Variants in TTN observed in about 807,000 individuals in gnomAD.
TTN encodes the protein connectin.
In TTN, 1,525 loss-of-function variants were observed where a neutral mutation model predicts 3,223.0. The observed-to-expected ratio is 0.47, with a 90% CI of 0.45 to 0.49. The LOEUF (loss-of-function observed/expected upper bound fraction) is 0.49, where lower values mean the gene tolerates loss of function less well. Among genes scored for constraint, TTN ranks in the 20% least tolerant of loss-of-function variants. TTN has a pLI of 0.00. For missense variants in TTN, 40,786 were observed against 43,424.0 expected, an observed-to-expected ratio of 0.94 and a Z score of 5.40; for synonymous variants, 14,094 against 15,161.0, an observed-to-expected ratio of 0.93 and a Z score of 5.17.
At chr2:178,638,132 A>G (rs920886140) in intron 223 of TTN, among the ~76,000 whole-genome samples, 3 of 152,020 alleles carry the variant, frequency 2.0e-5, no homozygotes, top group Non-Finnish European at 4.4e-5. Context: ...GAATAATAAA[A>G]GTACTACGTT....
Position 178,775,658 on chromosome 2 carries a change from A to G in TTN, c.6206T>C (p.Ile2069Thr), listed in dbSNP as rs1319012428. 6.2e-7 allele frequency: 1 copy of G among 1,614,120 alleles called. No homozygotes were observed. Among genetic ancestry groups the G allele is most frequent in the Non-Finnish European group, 8.5e-7 (1 of 1,180,006 alleles). Residue 2069 changes from isoleucine (I) to threonine (T), a missense_variant, in exon 28 of 363, where the codon ATT becomes ACT. Ile to Thr is a moderately conservative substitution (Grantham distance 89). Transcript: ENST00000589042. Reference protein sequence around the residue: ...ITIPTFKPDKIELSPSMEAPK... With the variant: ...ITIPTFKPDKTELSPSMEAPK... ...AGCCTCCATACTAGGACTTAGTTCA[A>G]TCTTGTCAGGTTTAAAAGTTGGAAT... is the stretch of plus-strand genomic sequence containing the variant.
Position 178,667,709 on chromosome 2 carries a change from G to A in TTN, c.35558C>T (p.Ser11853Phe), listed in dbSNP as rs753499009. The change falls in exon 160 of 363, where the codon TCT (serine) becomes TTT (phenylalanine). Residue 11853 changes from serine (S) to phenylalanine (F), a missense_variant. Coordinates refer to ENST00000589042, the MANE Select transcript of TTN (RefSeq NM_001267550.2). Reference sequence around the variant, plus strand: ...TTTTTCTTCTAGGACTGCTTCTTCAGATGCTTCATAAACTTTAAAGATATT... The same window carrying A: ...TTTTTCTTCTAGGACTGCTTCTTCAAATGCTTCATAAACTTTAAAGATATT... ...EDTEMYIYEASEEAVLEEKVL... is the reference protein window; with the variant it reads ...EDTEMYIYEAFEEAVLEEKVL... The A allele has an allele frequency of 1.3e-6, 2 of 1,592,082 alleles. No individual in the cohort carries two copies. Among genetic ancestry groups the A allele is most frequent in the Non-Finnish European group, 1.7e-6 (2 of 1,175,802 alleles).
At chr2:178,778,605 T>C (rs2092470450) in intron 24 of TTN, 1 of 466,788 alleles carries the variant, frequency 2.1e-6, no homozygotes, top group Non-Finnish European at 3.9e-6. Context: ...TAAATTTACA[T>C]ATGTAAAAAT....
At position 178,713,213 on chromosome 2, in the gene TTN, G is replaced by A. The variant is rs1176692583; in HGVS notation, c.26921C>T (p.Thr8974Ile). 1.2e-6 allele frequency: 2 copies of A among 1,613,464 alleles called. No individual in the cohort carries two copies. The highest frequency in any genetic ancestry group is 2.7e-5 in the African/African-American group (2 of 74,890). ...AGCACAAGTATTATCTGTCAGGGTGGTCTGGTATTTCCTTCCACTACTGAT... is the reference window on the plus strand; with the variant it reads ...AGCACAAGTATTATCTGTCAGGGTGATCTGGTATTTCCTTCCACTACTGAT... The part of the protein sequence containing the change: ...NEISSGRKYQ[T>I]TLTDNTCALT... The change falls in exon 93 of 363, where the codon ACC becomes ATC. Residue 8974 changes from threonine to isoleucine, a missense_variant. Physicochemically the swap from Thr to Ile is moderately conservative, Grantham distance 89. Transcript: ENST00000589042.
In TTN at chr2:178,595,773, T is replaced by C; in HGVS notation, c.57581A>G (p.His19194Arg). Residue 19194 changes from histidine (H) to arginine (R), a missense_variant, in exon 295 of 363, where the codon CAC becomes CGC. Coordinates refer to ENST00000589042, the MANE Select transcript of TTN (RefSeq NM_001267550.2). ...TTTGCAGGACTCATTGGTTAGGTTG[T>C]GAGCTAGGAATGGTGTTCCAACGGG... ...PGPVGTPFLA[H>R]NLTNESCKLT... 6.2e-7 allele frequency: 1 copy of C among 1,607,948 alleles called. No homozygotes were observed. Among genetic ancestry groups the C allele is most frequent in the Non-Finnish European group, 8.5e-7 (1 of 1,177,236 alleles).
chr2:178,714,503 A>C lies in TTN; in HGVS notation c.26271T>G (p.Thr8757=), dbSNP rs1241070560. 1.9e-6 allele frequency: 3 copies of C among 1,613,438 alleles called. No individual in the cohort carries two copies. In the South Asian group the frequency reaches 3.3e-5, roughly 18 times the overall value. ...AAATGGGTTCAGCGCCTTCAATGGT[A>C]GTCTGCAGCTGAACTTCTTTACCAA... The part of the protein sequence containing the change: ...TVVGKEVQLQ[T]TIEGAEPISV... The change falls in exon 91 of 363, where the codon ACT becomes ACG. Residue 8757 remains threonine (T), a synonymous_variant. Coordinates refer to ENST00000589042, the MANE Select transcript of TTN (RefSeq NM_001267550.2).
chr2:178,552,685 T>C lies in TTN; in HGVS notation c.90215A>G (p.Lys30072Arg). The C allele has an allele frequency of 6.2e-7, 1 of 1,613,954 alleles. No homozygotes were observed. The highest frequency in any genetic ancestry group is 8.5e-7 in the Non-Finnish European group (1 of 1,179,848). The part of the protein sequence containing the change: ...ITEYVVERKG[K>R]GEQTWSHAGI... ...AGCGTGGGACCACGTCTGTTCACCT[T>C]TACCTTTCCTTTCTACAACATATTC... The change falls in exon 335 of 363, where the codon AAA becomes AGA. Residue 30072 changes from lysine to arginine, a missense_variant. By Grantham distance (26) the Lys-to-Arg change is conservative (BLOSUM62 2). Transcript: ENST00000589042.
chr2:178,747,903 G>T, intron 47 of TTN: 1 of 1,613,090 alleles, frequency 6.2e-7, no homozygotes, highest in East Asian at 2.2e-5. Context: ...ATCAAGAGTG[G>T]GAAGCACTGA....
chr2:178,774,587 T>A, intron 29 of TTN, 114 bp from the exon 30 acceptor site: 3 of 959,790 alleles, frequency 3.1e-6, no homozygotes, highest in South Asian at 1.6e-5. Flanking sequence ...TCAGGTGTAT[T>A]CTTAATATCT....
In TTN at chr2:178,647,478, A is replaced by G. The variant is rs2062203415; in HGVS notation, c.40058-14T>C. On this transcript the variant is annotated splice_polypyrimidine_tract_variant and intron_variant, in intron 213 of 362. Transcript: ENST00000589042. ...GCACTTTGGGCACTTTAAAGATATG[A>G]TTTTGTTTACTATTAAGAATTTAGA... The G allele has an allele frequency of 6.5e-7, 1 of 1,548,908 alleles. No homozygotes were observed. The highest frequency in any genetic ancestry group is 1.2e-5 in the South Asian group (1 of 83,956).
Position 178,759,135 on chromosome 2 carries a change from G to C in TTN, c.10152C>G (p.Ile3384Met). Residue 3384 changes from isoleucine to methionine, a missense_variant, in exon 44 of 363, where the codon ATC becomes ATG. By Grantham distance (10) the Ile-to-Met change is conservative. Coordinates refer to ENST00000589042, the MANE Select transcript of TTN (RefSeq NM_001267550.2). ...KVSWYSKDKK[I>M]KPSRFFRMTQ... is the part of the protein sequence containing the mutation. ...TCATTCTAAAGAACCGAGATGGCTT[G>C]ATTTTCTTGTCTTTGCTGTACCACG... 6.2e-7 allele frequency: 1 copy of C among 1,613,942 alleles called. No homozygotes were observed. The highest frequency in any genetic ancestry group is 8.5e-7 in the Non-Finnish European group (1 of 1,179,950).
rs878961342 is a variant in TTN at position 178,545,401 on chromosome 2, G to A, written c.95709C>T (p.Cys31903=). 16 of 1,577,662 alleles carry A rather than the reference G, an allele frequency of 1.0e-5. No individual in the cohort carries two copies. The highest frequency in any genetic ancestry group is 2.7e-5 in the African/African-American group (2 of 73,952). Residue 31903 remains cysteine (C), a synonymous_variant, in exon 344 of 363, where the codon TGC becomes TGT. Transcript: ENST00000589042. ...EPSEASNFIS[C]REPSYTPGPP... is the part of the protein sequence containing the mutation. ...CTTGGAGCTCACATGATGGTTCTCTGCATGAGATGAAGTTGGAAGCTTCGC... is the reference window on the plus strand; with the variant it reads ...CTTGGAGCTCACATGATGGTTCTCTACATGAGATGAAGTTGGAAGCTTCGC...
In TTN at chr2:178,533,508, C is replaced by T; in HGVS notation, c.103107G>A (p.Leu34369=). Residue 34369 remains leucine, a synonymous_variant, in exon 358 of 363, where the codon CTG becomes CTA. Transcript: ENST00000589042. ...STLRPMFKRL[L]ANAECQEGQS... Reference sequence around the variant, plus strand: ...GGCCTTCTTGGCATTCTGCATTTGCCAGTAACCTTTTGAACATGGGTCTTA... The same window carrying T: ...GGCCTTCTTGGCATTCTGCATTTGCTAGTAACCTTTTGAACATGGGTCTTA... 4 of 1,613,562 alleles carry T rather than the reference C, an allele frequency of 2.5e-6. No homozygotes were observed. Among genetic ancestry groups the T allele is most frequent in the Non-Finnish European group, 3.4e-6 (4 of 1,179,558 alleles).
At chr2:178,627,383 C>T (rs184996052) in intron 240 of TTN, among the ~76,000 whole-genome samples, 14 of 151,970 alleles carry the variant, frequency 9.2e-5, no homozygotes, top group South Asian at 2.1e-4. Flanking sequence ...TATTAAAGTT[C>T]GGAATTACAT....
Position 178,547,998 on chromosome 2 carries a change from G to T in TTN, c.93628C>A (p.Gln31210Lys), listed in dbSNP as rs1697906163. Reference protein sequence around the residue: ...AFSSVIIKEPQIEPTADLTGI... With the variant: ...AFSSVIIKEPKIEPTADLTGI... Reference sequence around the variant, plus strand: ...GTGAGGTCAGCAGTGGGCTCGATTTGAGGCTCCTTAATGATGACAGAAGAG... The same window carrying T: ...GTGAGGTCAGCAGTGGGCTCGATTTTAGGCTCCTTAATGATGACAGAAGAG... The change falls in exon 339 of 363, where the codon CAA becomes AAA. Residue 31210 changes from glutamine (Q) to lysine (K), a missense_variant. Gln to Lys is a moderately conservative substitution (Grantham distance 53). Transcript: ENST00000589042. 6.2e-7 allele frequency: 1 copy of T among 1,613,510 alleles called. No individual in the cohort carries two copies. The highest frequency in any genetic ancestry group is 8.5e-7 in the Non-Finnish European group (1 of 1,179,716).
chr2:178,702,592 A>T lies in TTN; in HGVS notation c.30295T>A (p.Cys10099Ser). Residue 10099 changes from cysteine to serine, a missense_variant, in exon 107 of 363, where the codon TGT becomes AGT. Physicochemically the swap from Cys to Ser is moderately radical, Grantham distance 112. Transcript: ENST00000589042. ...VSEHQSATFE[C>S]EVSFDDAIVT... is the part of the protein sequence containing the mutation. ...ATGGCATCATCAAAGGACACTTCAC[A>T]CTCAAAGGTGGCAGACTGATGCTCA... The T allele has an allele frequency of 1.2e-6, 2 of 1,613,888 alleles. No homozygotes were observed. The highest frequency in any genetic ancestry group is 1.7e-6 in the Non-Finnish European group (2 of 1,179,864).
chr2:178,720,819 A>G, intron 79 of TTN, 102 bp downstream of exon 79: 1 of 1,424,048 alleles, frequency 7.0e-7, no homozygotes, highest in African/African-American at 1.4e-5. Flanking sequence ...GAAGAATTGC[A>G]ACCAAATAAC....
chr2:178,689,774 A>G (rs774941475), intron 122 of TTN, 39 bp downstream of exon 122: 1 of 1,556,078 alleles, frequency 6.4e-7, no homozygotes. Flanking sequence ...TTTTGTATCA[A>G]AGATAAAAGA....
At position 178,550,249 on chromosome 2, in the gene TTN, G is replaced by T. The variant is rs200875379; in HGVS notation, c.91589C>A (p.Pro30530His). Residue 30530 changes from proline (P) to histidine (H), a missense_variant, in exon 337 of 363, where the codon CCT becomes CAT. Transcript: ENST00000589042. Reference sequence around the variant, plus strand: ...AATAATGAGACCATCAAAGTATTCAGGGCCAAACTCTACTATTGGTGGAAC... The same window carrying T: ...AATAATGAGACCATCAAAGTATTCATGGCCAAACTCTACTATTGGTGGAAC... ...ENVPPIVEFG[P>H]EYFDGLIIKS... 1 of 1,611,758 alleles carries T rather than the reference G, an allele frequency of 6.2e-7. No homozygotes were observed. The highest frequency in any genetic ancestry group is 1.3e-5 in the African/African-American group (1 of 74,780).
Sources: gnomAD v4.1 joint callset for allele counts (sites outside exome capture counted in the v4.1 genomes callset) on GRCh38, gnomAD v4.1.1 for gene constraint, MANE v1.5 for transcripts, NCBI Gene and HGNC (gene_info 2026-07-23, HGNC 2026-07-21) for gene names.